The following SEMA3D variants were observed in gnomAD, a reference collection of about 807,000 sequenced individuals.
SEMA3D encodes the protein semaphorin-3D.
A neutral mutation model predicts 100.1 loss-of-function variants in SEMA3D; 84 were observed. That is an observed-to-expected ratio of 0.84 (90% CI 0.70 to 1.01). SEMA3D has a LOEUF of 1.01. Ranked by LOEUF, SEMA3D falls within the 50% of genes least tolerant of loss-of-function variation. The pLI is 0.00. For missense variants in SEMA3D, 875 were observed against 934.1 expected (o/e 0.94, Z 0.82); for synonymous variants, 312 against 320.7 (o/e 0.97, Z 0.29).
intron 2 of SEMA3D, chr7:85,141,291 T>C (rs750941545): frequency 1.0e-6 from 1 of 984,366 alleles, no homozygotes; most frequent in African/African-American, 1.7e-5. Flanking sequence ...TTTAACCTCT[T>C]CAGGAATTTT....
chr7:85,120,666 C>CAA (rs765641197), intron 3 of SEMA3D, among the ~76,000 whole-genome samples: 23,489 of 82,344 alleles, frequency 0.29, 2,353 homozygotes, highest in Non-Finnish European at 0.34. Flanking sequence ...GACTTCATCT[C>CAA]AAAAAAAAAA....
At chr7:85,205,452 A>G in the SEMA3D span, among the ~76,000 whole-genome samples, 2 of 152,144 alleles carry the variant, frequency 1.3e-5, no homozygotes, top group Non-Finnish European at 2.9e-5. Context: ...GTCAATTTAA[A>G]AAGTGTCCTT....
the SEMA3D span, among the ~76,000 whole-genome samples, chr7:85,237,752 G>A: frequency 2.2e-4 from 34 of 152,274 alleles, no homozygotes; most frequent in African/African-American, 8.2e-4. Context: ...AAACATCCAT[G>A]TAATAGCTTT....
chr7:85,137,492 C>A (rs1483775336), intron 2 of SEMA3D, among the ~76,000 whole-genome samples: 1 of 151,944 alleles, frequency 6.6e-6, no homozygotes, highest in African/African-American at 2.4e-5. Flanking sequence ...ATTAATGATA[C>A]CTTTAATAAT....
the SEMA3D span, among the ~76,000 whole-genome samples, chr7:85,217,227 C>A: frequency 3.9e-5 from 6 of 152,030 alleles, no homozygotes; most frequent in Admixed American, 6.6e-5. Context: ...TTAGGCCAAA[C>A]TTGTGCTTAT....
At chr7:85,232,142 GGGA>G in the SEMA3D span, among the ~76,000 whole-genome samples, 2 of 152,156 alleles carry the variant, frequency 1.3e-5, no homozygotes, top group Non-Finnish European at 1.5e-5. Context: ...ATTTGGCATT[GGGA>G]GGAGGAGTGA....
the SEMA3D span, among the ~76,000 whole-genome samples, chr7:85,213,805 T>A: frequency 3.9e-5 from 6 of 152,198 alleles, no homozygotes; most frequent in Non-Finnish European, 7.3e-5. Flanking sequence ...GATAAGTGTG[T>A]TTTATTTTTA....
At chr7:85,060,637 G>A (rs1304568080) in intron 8 of SEMA3D, among the ~76,000 whole-genome samples, 1 of 152,076 alleles carries the variant, frequency 6.6e-6, no homozygotes, top group Non-Finnish European at 1.5e-5. Context: ...ATAAACTCAT[G>A]TGGCCTGCAG....
intron 5 of SEMA3D, among the ~76,000 whole-genome samples, chr7:85,075,226 G>A (rs1286204415): frequency 6.6e-6 from 1 of 151,916 alleles, no homozygotes; most frequent in Non-Finnish European, 1.5e-5. Context: ...TTTTTCAAAA[G>A]CTCAGTTAGA....
intron 3 of SEMA3D, among the ~76,000 whole-genome samples, chr7:85,114,155 G>A (rs1789172445): frequency 6.6e-6 from 1 of 152,112 alleles, no homozygotes; most frequent in Admixed American, 6.6e-5. Context: ...TACTTCAGAA[G>A]CAGGAACGTG....
At chr7:85,208,338 G>A in the SEMA3D span, among the ~76,000 whole-genome samples, 2 of 151,912 alleles carry the variant, frequency 1.3e-5, no homozygotes, top group Non-Finnish European at 1.5e-5. Context: ...TCATCCATAA[G>A]ATATTGTAAA....
intron 1 of SEMA3D, among the ~76,000 whole-genome samples, chr7:85,176,483 C>T (rs546162085): frequency 6.6e-6 from 1 of 152,102 alleles, no homozygotes; most frequent in East Asian, 1.9e-4. Context: ...AAAAAGCATG[C>T]CTAAACTTTC....
intron 1 of SEMA3D, among the ~76,000 whole-genome samples, chr7:85,165,244 T>TA (rs1488720529): frequency 6.8e-6 from 1 of 146,480 alleles, no homozygotes. Context: ...TTATGTAAAT[T>TA]AAAAAAAGAA....
intron 18 of SEMA3D, 138 bp from the exon 19 acceptor site, chr7:85,000,003 T>C (rs905033834): frequency 4.1e-6 from 3 of 728,584 alleles, no homozygotes; most frequent in Admixed American, 2.9e-5. Flanking sequence ...TCAAGCATAA[T>C]ATTGTCAGCC....
intron 3 of SEMA3D, among the ~76,000 whole-genome samples, chr7:85,120,644 G>A (rs1325526836): frequency 2.2e-5 from 3 of 134,660 alleles, no homozygotes; most frequent in Non-Finnish European, 3.1e-5. Context: ...ACCAGCCTGG[G>A]CAACAGAATG....
chr7:85,015,748 T>C (rs1790080010), intron 15 of SEMA3D, among the ~76,000 whole-genome samples: 1 of 151,836 alleles, frequency 6.6e-6, no homozygotes, highest in Admixed American at 6.6e-5. Context: ...AAGAAAGTAT[T>C]AAACAGGCTT....
chr7:85,094,131 G>C (rs911008987), intron 4 of SEMA3D, among the ~76,000 whole-genome samples: 4 of 152,084 alleles, frequency 2.6e-5, no homozygotes, highest in African/African-American at 9.6e-5. Context: ...AGGAGAAAGA[G>C]AGGGTGGGGA....
intron 13 of SEMA3D, among the ~76,000 whole-genome samples, chr7:85,020,668 T>G (rs1046720077): frequency 2.0e-5 from 3 of 151,514 alleles, no homozygotes; most frequent in African/African-American, 7.3e-5. Flanking sequence ...GTTAAAAATA[T>G]ATTAAAATAA....
chr7:85,168,848 AGAAAGAAAG>A (rs1175862465), intron 1 of SEMA3D, among the ~76,000 whole-genome samples: 58 of 115,494 alleles, frequency 5.0e-4, no homozygotes, highest in African/African-American at 1.7e-3. Context: ...AAAGAAAGAA[AGAAAGAAAG>A]AAAGAAAGAA....
Sources: gnomAD v4.1 joint callset for allele counts (sites outside exome capture counted in the v4.1 genomes callset) on GRCh38, gnomAD v4.1.1 for gene constraint, MANE v1.5 for transcripts, NCBI Gene and HGNC (gene_info 2026-07-23, HGNC 2026-07-21) for gene names.